The following GLI2 variants were observed in gnomAD, a reference collection of about 807,000 sequenced individuals.
The protein encoded by GLI2 is transcription activator GLI2.
GLI2 carries 22 observed loss-of-function variants against 78.9 expected under a neutral mutation model. The ratio of observed to expected loss-of-function variants is 0.28; its 90% confidence interval spans 0.20 to 0.40. The LOEUF is 0.40. Among genes scored for constraint, GLI2 ranks in the 10% least tolerant of loss-of-function variants. GLI2 has a pLI of 1.00. For missense variants in GLI2, 2,097 were observed against 2,213.2 expected, an observed-to-expected ratio of 0.95 and a Z score of 1.05; for synonymous variants, 974 against 963.7, an observed-to-expected ratio of 1.01 and a Z score of -0.20.
At chr2:120,747,689 C>T (rs1338144610) in intron 1 of GLI2, among the ~76,000 whole-genome samples, 1 of 152,196 alleles carries the variant, frequency 6.6e-6, no homozygotes, top group Admixed American at 6.5e-5. Context: ...GCCCAAATGT[C>T]AGCAGTGCTG....
chr2:120,888,611 G>GT (rs539099289), intron 2 of GLI2, among the ~76,000 whole-genome samples: 118 of 152,164 alleles, frequency 7.8e-4, no homozygotes, highest in African/African-American at 2.6e-3. Context: ...CTACTAGGGT[G>GT]TGGTGGGTGG....
At chr2:120,818,018 T>C (rs1173622221) in intron 2 of GLI2, among the ~76,000 whole-genome samples, 1 of 152,154 alleles carries the variant, frequency 6.6e-6, no homozygotes, top group Non-Finnish European at 1.5e-5. Flanking sequence ...TTTGATGGGA[T>C]CCTGTTTCTA....
chr2:120,899,997 T>G lies in GLI2; in HGVS notation c.149-27364T>G, dbSNP rs993937072. Among the ~76,000 whole-genome samples the G allele has an allele frequency of 1.3e-4, 20 of 152,126 alleles. 1 individual carries two copies. The highest frequency in any genetic ancestry group is 1.5e-5 in the Non-Finnish European group (1 of 68,030). On this transcript the variant is annotated intron_variant, in intron 2 of 13. Transcript: ENST00000361492. ...AAGGGCCTGGGAAGGTGCGGAGGAT[T>G]TGCGTCTCTAGCAGGCTCCCAGGAC...
chr2:120,886,733 C>T (rs929103305), intron 2 of GLI2, among the ~76,000 whole-genome samples: 1 of 152,196 alleles, frequency 6.6e-6, no homozygotes, highest in Admixed American at 6.5e-5. Flanking sequence ...AGTGGGACTG[C>T]GGTAGCCTGC....
intron 3 of GLI2, among the ~76,000 whole-genome samples, chr2:120,946,924 C>T (rs1680735438): frequency 6.6e-6 from 1 of 152,220 alleles, no homozygotes; most frequent in African/African-American, 2.4e-5. Context: ...ATTCCTCTGG[C>T]TGTGTTTAGT....
In GLI2 at chr2:120,989,824, G is replaced by A. The variant is rs918722071; in HGVS notation, c.3859G>A (p.Val1287Ile). The A allele has an allele frequency of 6.2e-7, 1 of 1,611,814 alleles. No individual in the cohort carries two copies. The highest frequency in any genetic ancestry group is 1.1e-5 in the South Asian group (1 of 90,936). ...TMGNRHRELG[V>I]PDSALAGVPP... ...GGGCAATCGCCACAGGGAACTTGGG[G>A]TCCCCGATTCAGCCCTGGCTGGAGT... Residue 1287 changes from valine to isoleucine, a missense_variant, in exon 14 of 14, where the codon GTC (valine) becomes ATC (isoleucine). By Grantham distance (29) the Val-to-Ile change is conservative. Transcript: ENST00000361492.
At chr2:120,923,582 A>G (rs1263293128) in intron 2 of GLI2, among the ~76,000 whole-genome samples, 2 of 151,884 alleles carry the variant, frequency 1.3e-5, no homozygotes, top group Non-Finnish European at 2.9e-5. Flanking sequence ...CAACACATAC[A>G]TATACAACAC....
At chr2:120,956,895 G>A (rs143492647) in intron 5 of GLI2, among the ~76,000 whole-genome samples, 2 of 152,224 alleles carry the variant, frequency 1.3e-5, no homozygotes, top group African/African-American at 2.4e-5. Context: ...TTCCAGGGGA[G>A]CCCTTCACTT....
rs1490988819 is a variant in GLI2 at position 120,978,445 on chromosome 2, C to T, written c.1329C>T (p.Asn443=). 7 of 1,614,072 alleles carry T rather than the reference C, an allele frequency of 4.3e-6. No homozygotes were observed. Among genetic ancestry groups the T allele is most frequent in the Non-Finnish European group, 5.9e-6 (7 of 1,180,036 alleles). ...TQEQLVHHIN[N]EHIHGEKKEF... ...TGTCCCTCCGGCAGCACATCAACAACGAGCACATCCACGGGGAGAAGAAGG... is the reference window on the plus strand; with the variant it reads ...TGTCCCTCCGGCAGCACATCAACAATGAGCACATCCACGGGGAGAAGAAGG... The change falls in exon 10 of 14, where the codon AAC becomes AAT. Residue 443 remains asparagine, a synonymous_variant. Coordinates refer to ENST00000361492, the MANE Select transcript of GLI2 (RefSeq NM_001374353.1).
chr2:120,781,138 G>C (rs1014359706), intron 1 of GLI2, among the ~76,000 whole-genome samples: 2 of 152,244 alleles, frequency 1.3e-5, no homozygotes. Context: ...GGGAGGCTGA[G>C]ATGAGAGAAT....
intron 8 of GLI2, among the ~76,000 whole-genome samples, chr2:120,973,090 A>G (rs1682269178): frequency 6.6e-6 from 1 of 152,146 alleles, no homozygotes; most frequent in South Asian, 2.1e-4. Context: ...ATCCTTTATC[A>G]AAACTGTGAA....
Position 120,801,726 on chromosome 2 carries a change from G to A in GLI2, c.148+4258G>A, listed in dbSNP as rs141952241. Among the ~76,000 whole-genome samples, 6 of 152,270 alleles carry A rather than the reference G, an allele frequency of 3.9e-5. No individual in the cohort carries two copies. In the East Asian group the frequency reaches 7.7e-4, roughly 20 times the overall value. On this transcript the variant is annotated intron_variant, in intron 2 of 13. Coordinates refer to ENST00000361492, the MANE Select transcript of GLI2 (RefSeq NM_001374353.1). ...GTGGGAGGCCCCAGCCGGAAAGCTC[G>A]GAAAACCCAGGCAGGAGCTCCTGGA...
chr2:120,752,254 T>TC (rs1682898026), intron 1 of GLI2, among the ~76,000 whole-genome samples: 1 of 150,804 alleles, frequency 6.6e-6, no homozygotes, highest in Admixed American at 6.6e-5. Flanking sequence ...TCACTTTATT[T>TC]CTCACCTATC....
At chr2:120,752,150 T>A (rs1462255797) in intron 1 of GLI2, among the ~76,000 whole-genome samples, 1 of 152,244 alleles carries the variant, frequency 6.6e-6, no homozygotes, top group Non-Finnish European at 1.5e-5. Flanking sequence ...CTGCAGTGTT[T>A]GGCAGTTTGC....
At chr2:120,888,061 G>A (rs1421652089) in intron 2 of GLI2, among the ~76,000 whole-genome samples, 1 of 152,222 alleles carries the variant, frequency 6.6e-6, no homozygotes, top group African/African-American at 2.4e-5. Context: ...GATTTGGAGT[G>A]GCCTTCCCCA....
At chr2:120,842,736 A>G (rs999229240) in intron 2 of GLI2, among the ~76,000 whole-genome samples, 11 of 152,270 alleles carry the variant, frequency 7.2e-5, no homozygotes, top group Admixed American at 3.9e-4. Flanking sequence ...TAAGCCCCTC[A>G]GCCACAGATA....
intron 1 of GLI2, among the ~76,000 whole-genome samples, chr2:120,776,734 G>T (rs1683686903): frequency 6.6e-6 from 1 of 152,236 alleles, no homozygotes; most frequent in African/African-American, 2.4e-5. Context: ...GTCAGGGGCT[G>T]TGGAGGCCTG....
At chr2:120,954,654 C>T (rs917815004) in intron 4 of GLI2, among the ~76,000 whole-genome samples, 1 of 152,174 alleles carries the variant, frequency 6.6e-6, no homozygotes, top group Admixed American at 6.5e-5. Context: ...GCCAGCCTCC[C>T]TCAGATGCTC....
rs1558803305 is a variant in GLI2, at chr2:120,800,802, G to A, written c.148+3334G>A. Among the ~76,000 whole-genome samples the A allele has an allele frequency of 6.6e-6, 1 of 152,108 alleles. No individual in the cohort carries two copies. The highest frequency in any genetic ancestry group is 1.5e-5 in the Non-Finnish European group (1 of 68,030). ...ATTACAGGTGTGAGCCACCGCACCC[G>A]GCCGAAAGGGATGACTTATACGAGC... On this transcript the variant is annotated intron_variant, in intron 2 of 13. Transcript: ENST00000361492. This position sits in a 1 kb window ranked among gnomAD's most constrained non-coding sequence, Gnocchi z 4.1.
Sources: gnomAD v4.1 joint callset for allele counts (sites outside exome capture counted in the v4.1 genomes callset) on GRCh38, gnomAD v4.1.1 for gene constraint, Gnocchi (gnomAD v3.1) non-coding constraint, MANE v1.5 for transcripts, NCBI Gene and HGNC (gene_info 2026-07-23, HGNC 2026-07-21) for gene names.